The following ZCCHC24 variants were observed in gnomAD, a reference collection of about 807,000 sequenced individuals.
ZCCHC24 encodes the protein zinc finger CCHC-type containing 24.
In ZCCHC24, 10 loss-of-function variants were observed where a neutral mutation model predicts 26.2. The observed-to-expected ratio is 0.38, with a 90% CI of 0.24 to 0.65. The LOEUF (loss-of-function observed/expected upper bound fraction) is 0.65. Ranked by LOEUF, ZCCHC24 falls within the 30% of genes least tolerant of loss-of-function variation. The probability of loss-of-function intolerance (pLI) is 0.54; values close to 1 mark genes in which losing one functional copy is unlikely to be tolerated. For missense variants in ZCCHC24, 243 were observed against 329.1 expected, an observed-to-expected ratio of 0.74 and a Z score of 2.03; for synonymous variants, 144 against 147.1, an observed-to-expected ratio of 0.98 and a Z score of 0.15.
chr10:79,432,257 G>A (rs1404210053), intron 2 of ZCCHC24, among the ~76,000 whole-genome samples: 2 of 152,244 alleles, frequency 1.3e-5, no homozygotes, highest in East Asian at 3.8e-4. Context: ...TAGCAAAAAA[G>A]ACTGGTGGAG....
At chr10:79,439,791 T>G (rs374398251) in intron 1 of ZCCHC24, among the ~76,000 whole-genome samples, 1 of 71,616 alleles carries the variant, frequency 1.4e-5, no homozygotes, top group African/African-American at 7.5e-5. Context: ...CCAGACTCCA[T>G]CAAAAAAAAA....
intron 2 of ZCCHC24, among the ~76,000 whole-genome samples, chr10:79,411,207 A>G (rs762548089): frequency 6.6e-6 from 1 of 152,176 alleles, no homozygotes; most frequent in African/African-American, 2.4e-5. Flanking sequence ...CCTTGGGGGT[A>G]TGATCCACCC....
At chr10:79,439,432 A>AG (rs141446420) in intron 1 of ZCCHC24, among the ~76,000 whole-genome samples, 2,762 of 152,198 alleles carry the variant, frequency 0.018, 72 homozygotes, top group African/African-American at 0.062. Flanking sequence ...GGAAGGGAGG[A>AG]GGGGAGGTTA....
chr10:79,426,170 G>A (rs988276390), intron 2 of ZCCHC24, among the ~76,000 whole-genome samples: 11 of 152,192 alleles, frequency 7.2e-5, no homozygotes, highest in African/African-American at 1.4e-4. Flanking sequence ...AAAGGACCAA[G>A]TAATAAGTGA....
intron 3 of ZCCHC24, among the ~76,000 whole-genome samples, chr10:79,390,848 A>G (rs1169106694): frequency 6.6e-6 from 1 of 152,148 alleles, no homozygotes; most frequent in Middle Eastern, 3.2e-3. Context: ...GGTTCTCCAG[A>G]GACGGAGGCC....
intron 2 of ZCCHC24, among the ~76,000 whole-genome samples, chr10:79,407,370 A>G (rs1856731867): frequency 6.6e-6 from 1 of 152,238 alleles, no homozygotes; most frequent in Admixed American, 6.5e-5. Flanking sequence ...TTCTGAAGCC[A>G]TACGGCTGTG....
intron 3 of ZCCHC24, among the ~76,000 whole-genome samples, chr10:79,390,312 ACT>A (rs1265567266): frequency 6.6e-6 from 1 of 152,214 alleles, no homozygotes. Flanking sequence ...CTGTAGGCTA[ACT>A]CTACATGATA....
intron 1 of ZCCHC24, among the ~76,000 whole-genome samples, chr10:79,435,881 G>A (rs1857209595): frequency 6.6e-6 from 1 of 151,716 alleles, no homozygotes; most frequent in African/African-American, 2.4e-5. Context: ...CACAGCCTGT[G>A]GGGACTGGAT....
chr10:79,388,573 C>T (rs867897921), intron 3 of ZCCHC24, among the ~76,000 whole-genome samples: 10 of 152,186 alleles, frequency 6.6e-5, no homozygotes, highest in Non-Finnish European at 1.3e-4. Flanking sequence ...TCAGTACAGT[C>T]GTGAAGTGTC....
In ZCCHC24 at chr10:79,423,579, T is replaced by C. The variant is rs1270248215; in HGVS notation, c.447+8979A>G. 2.5e-4 allele frequency among the ~76,000 whole-genome samples: 10 copies of C among 39,662 alleles called. 2 individuals carry two copies. The highest frequency in any genetic ancestry group is 7.7e-4 in the African/African-American group (9 of 11,698). The allele number at this position is 39,662 out of a possible 152,430, so 26.0% of individuals were successfully genotyped here. ...AAAACAAAAACAAACAAAATATATA[T>C]ACTATATATATATATATATATATAT... On this transcript the variant is annotated intron_variant, in intron 2 of 3. Coordinates refer to ENST00000372336, the MANE Select transcript of ZCCHC24 (RefSeq NM_153367.4).
intron 2 of ZCCHC24, among the ~76,000 whole-genome samples, chr10:79,411,352 A>G (rs552086176): frequency 6.6e-6 from 1 of 152,270 alleles, no homozygotes; most frequent in African/African-American, 2.4e-5. Context: ...CCTGCAGGTG[A>G]GCAAATAGGC....
At chr10:79,397,392 C>T (rs987336460) in intron 2 of ZCCHC24, among the ~76,000 whole-genome samples, 3 of 152,188 alleles carry the variant, frequency 2.0e-5, no homozygotes, top group East Asian at 1.9e-4. Flanking sequence ...GAGGGGTCAA[C>T]GTGTGCCTCT....
At chr10:79,432,874 G>A (rs1180386448) in intron 1 of ZCCHC24, 116 bp from the exon 2 acceptor site, 89 of 1,158,578 alleles carry the variant, frequency 7.7e-5, no homozygotes, top group Non-Finnish European at 1.0e-4. Context: ...GAGGGCTCTG[G>A]GCTCCAGAAG....
chr10:79,413,045 A>C lies in ZCCHC24; in HGVS notation c.448-18605T>G, dbSNP rs189582526. ...AGCCCAGGAGAGTCTGCAATCCATCATTTTATCTCTGAAGGATTATATGGA... is the reference window on the plus strand; with the variant it reads ...AGCCCAGGAGAGTCTGCAATCCATCCTTTTATCTCTGAAGGATTATATGGA... On this transcript the variant is annotated intron_variant, in intron 2 of 3. Coordinates refer to ENST00000372336, the MANE Select transcript of ZCCHC24 (RefSeq NM_153367.4). 5.8e-3 allele frequency among the ~76,000 whole-genome samples: 887 copies of C among 152,236 alleles called. 6 individuals are homozygous for C. Among genetic ancestry groups the C allele is most frequent in the Non-Finnish European group, 0.01 (692 of 67,996 alleles).
intron 2 of ZCCHC24, among the ~76,000 whole-genome samples, chr10:79,432,103 G>A (rs975716430): frequency 6.6e-6 from 1 of 152,232 alleles, no homozygotes; most frequent in Non-Finnish European, 1.5e-5. Context: ...TCCCTCACAG[G>A]CTGAGGAGGC....
chr10:79,386,754 T>G lies in ZCCHC24; in HGVS notation c.613-296A>C, dbSNP rs557067424. Among the ~76,000 whole-genome samples, 13 of 152,214 alleles carry G rather than the reference T, an allele frequency of 8.5e-5. No homozygotes were observed. The South Asian group carries it at 2.5e-3, about 29-fold the overall frequency. On this transcript the variant is annotated intron_variant, in intron 3 of 3. Transcript: ENST00000372336. ...GCGTCTGAGTCCTAGGGCACACAGG[T>G]GGGGCCCTAGGCTGGGCCAGGGCTG...
At chr10:79,413,972 T>G (rs939491750) in intron 2 of ZCCHC24, among the ~76,000 whole-genome samples, 1 of 152,198 alleles carries the variant, frequency 6.6e-6, no homozygotes, top group African/African-American at 2.4e-5. Context: ...CCCCTCACAC[T>G]TGCTCCACCT....
At chr10:79,403,030 C>T (rs1467913711) in intron 2 of ZCCHC24, among the ~76,000 whole-genome samples, 1 of 152,236 alleles carries the variant, frequency 6.6e-6, no homozygotes, top group African/African-American at 2.4e-5. Flanking sequence ...CTTCATGGAG[C>T]TCTCAGTCCA....
chr10:79,386,489 G>T (rs1480030050), intron 3 of ZCCHC24, 31 bp from the exon 4 acceptor site: 3 of 1,532,498 alleles, frequency 2.0e-6, no homozygotes, highest in Non-Finnish European at 2.7e-6. Context: ...GGGCCCAGGG[G>T]AGTGAGGGGA....
Sources: allele counts gnomAD v4.1 joint callset (sites outside exome capture counted in the v4.1 genomes callset), GRCh38; gene constraint gnomAD v4.1.1; transcripts MANE v1.5; gene names NCBI Gene and HGNC (gene_info 2026-07-23, HGNC 2026-07-21).